The following FRMPD2 variants were observed in gnomAD, a reference collection of about 807,000 sequenced individuals.
The protein encoded by FRMPD2 is FERM and PDZ domain-containing protein 2.
In FRMPD2, 96 loss-of-function variants were observed where a neutral mutation model predicts 140.1. The observed-to-expected ratio is 0.69, with a 90% CI of 0.58 to 0.81. The LOEUF is 0.81. Ranked by LOEUF, FRMPD2 falls within the 40% of genes least tolerant of loss-of-function variation. FRMPD2 has a pLI of 0.00. For synonymous variants in FRMPD2, 449 were observed against 547.6 expected (o/e 0.82, Z 2.52); for missense variants, 1,240 against 1,447.4 (o/e 0.86, Z 2.32).
At chr10:48,206,433 A>T (rs1839199428) in intron 14 of FRMPD2, among the ~76,000 whole-genome samples, 1 of 152,166 alleles carries the variant, frequency 6.6e-6, no homozygotes, top group Non-Finnish European at 1.5e-5. Flanking sequence ...ACGTTAATGG[A>T]GTCTCCAAAT....
chr10:48,178,374 C>A (rs1160844982), intron 21 of FRMPD2, among the ~76,000 whole-genome samples: 2 of 152,160 alleles, frequency 1.3e-5, no homozygotes, highest in Non-Finnish European at 2.9e-5. Flanking sequence ...GATGCCACTT[C>A]TAGGCAGAGA....
chr10:48,189,178 G>A (rs1017933918), intron 16 of FRMPD2, among the ~76,000 whole-genome samples: 2 of 152,186 alleles, frequency 1.3e-5, no homozygotes, highest in African/African-American at 4.8e-5. Context: ...TCAGAGCCAA[G>A]GATATACCAG....
intron 8 of FRMPD2, among the ~76,000 whole-genome samples, chr10:48,237,416 C>A (rs1052909654): frequency 6.6e-6 from 1 of 152,176 alleles, no homozygotes; most frequent in Non-Finnish European, 1.5e-5. Context: ...GAGGACAGTG[C>A]GGGCCAGGCC....
intron 13 of FRMPD2, among the ~76,000 whole-genome samples, chr10:48,209,342 C>G (rs1839268258): frequency 6.6e-6 from 1 of 152,330 alleles, no homozygotes; most frequent in Non-Finnish European, 1.5e-5. Flanking sequence ...TCACCTTAAA[C>G]AGGTTATTCT....
intron 15 of FRMPD2, chr10:48,199,905 C>T (rs1394444134): frequency 6.6e-6 from 1 of 152,098 alleles, no homozygotes; most frequent in African/African-American, 2.4e-5. Flanking sequence ...GCTCTTAAAA[C>T]ATCTTGTGCA....
chr10:48,221,395 G>A (rs938127322), intron 12 of FRMPD2, among the ~76,000 whole-genome samples: 6 of 152,234 alleles, frequency 3.9e-5, no homozygotes, highest in Non-Finnish European at 8.8e-5. Context: ...ATGAGAATGC[G>A]AAAACATAAG....
intron 4 of FRMPD2, 43 bp downstream of exon 4, chr10:48,244,741 A>G (rs749197497): frequency 1.3e-6 from 2 of 1,485,556 alleles, no homozygotes; most frequent in African/African-American, 1.4e-5. Flanking sequence ...AAATAAACCC[A>G]GAGACACAGC....
At chr10:48,186,312 G>C (rs569011242) in intron 17 of FRMPD2, among the ~76,000 whole-genome samples, 1 of 152,178 alleles carries the variant, frequency 6.6e-6, no homozygotes, top group Non-Finnish European at 1.5e-5. Context: ...GCAGAAATTG[G>C]CAGACAAGTT....
intron 9 of FRMPD2, among the ~76,000 whole-genome samples, chr10:48,233,736 A>G (rs939887215): frequency 6.6e-6 from 1 of 151,534 alleles, no homozygotes; most frequent in Non-Finnish European, 1.5e-5. Context: ...CTGGCTGCCA[A>G]CTCCTCTGCT....
rs185106531 is a variant in FRMPD2, at chr10:48,160,623, T to C, written c.3881+2705A>G. ...GAAGGCAATGCTCCAGGCATACTAG[T>C]AAGTGGCAACGCTGAAACCACATAA... On this transcript the variant is annotated intron_variant, in intron 28 of 28. Transcript: ENST00000374201. Among the ~76,000 whole-genome samples, 492 of 122,652 alleles carry C rather than the reference T, an allele frequency of 4.0e-3. 43 individuals are homozygous for C. The highest frequency in any genetic ancestry group is 0.015 in the African/African-American group (467 of 31,524). 80.5% of individuals were successfully genotyped at this position (122,652 alleles called of 152,430 possible). A position where few individuals can be genotyped will look rare whatever the true frequency, so the allele number is the denominator to read the frequency against.
rs769202091 is a variant in FRMPD2, at chr10:48,240,499, G to T, written c.568-7C>A. The T allele has an allele frequency of 1.2e-6, 2 of 1,613,466 alleles. No individual in the cohort carries two copies. Among genetic ancestry groups the T allele is most frequent in the Admixed American group, 1.7e-5 (1 of 60,004 alleles). On this transcript the variant is annotated splice_polypyrimidine_tract_variant and splice_region_variant and intron_variant, in intron 5 of 28. Transcript: ENST00000374201. ...CCACAACTCTTTTCTCCACCTGGGG[G>T]TCAAGTGCATCACACATCCACATCC...
intron 23 of FRMPD2, among the ~76,000 whole-genome samples, chr10:48,175,389 T>G (rs1838381579): frequency 6.6e-6 from 1 of 152,054 alleles, no homozygotes; most frequent in Admixed American, 6.5e-5. Context: ...AGTAAGATCC[T>G]AGGTTCCCCT....
intron 20 of FRMPD2, among the ~76,000 whole-genome samples, chr10:48,181,426 C>T (rs1400634680): frequency 6.6e-6 from 1 of 152,128 alleles, no homozygotes; most frequent in Non-Finnish European, 1.5e-5. Flanking sequence ...TGTCCTGCCC[C>T]AAATGCTACA....
At chr10:48,229,888 A>G (rs1395253326) in intron 10 of FRMPD2, among the ~76,000 whole-genome samples, 1 of 152,154 alleles carries the variant, frequency 6.6e-6, no homozygotes, top group Non-Finnish European at 1.5e-5. Context: ...CACAGAAAGG[A>G]TGGAAAGAAT....
At chr10:48,248,421 C>T (rs1196634906) in intron 3 of FRMPD2, 1 of 152,158 alleles carries the variant, frequency 6.6e-6, no homozygotes, top group East Asian at 1.9e-4. Context: ...CTCTCTCTCT[C>T]TCTTTCATCC....
intron 10 of FRMPD2, 96 bp from the exon 11 acceptor site, chr10:48,223,366 A>G (rs1472277120): frequency 1.6e-6 from 2 of 1,284,998 alleles, no homozygotes; most frequent in Non-Finnish European, 2.1e-6. Flanking sequence ...AGTGTCACAC[A>G]CGAGCTGGGT....
At chr10:48,237,633 C>A (rs557921505) in intron 8 of FRMPD2, among the ~76,000 whole-genome samples, 8 of 152,140 alleles carry the variant, frequency 5.3e-5, no homozygotes, top group African/African-American at 1.9e-4. Flanking sequence ...TATGCTCCCA[C>A]CTTTCACCTG....
intron 8 of FRMPD2, among the ~76,000 whole-genome samples, chr10:48,236,910 C>G (rs1322975238): frequency 1.3e-5 from 2 of 152,024 alleles, no homozygotes; most frequent in Non-Finnish European, 2.9e-5. Flanking sequence ...CTTGAAAAAA[C>G]AAAAATACTT....
chr10:48,159,718 C>G (rs745790974), intron 28 of FRMPD2, among the ~76,000 whole-genome samples: 1 of 151,686 alleles, frequency 6.6e-6, no homozygotes, highest in African/African-American at 2.4e-5. Context: ...TATACCATCA[C>G]TTTCACAAAG....
Sources: allele counts gnomAD v4.1 joint callset (sites outside exome capture counted in the v4.1 genomes callset), GRCh38; gene constraint gnomAD v4.1.1; transcripts MANE v1.5; gene names NCBI Gene and HGNC (gene_info 2026-07-23, HGNC 2026-07-21).